The following RBPJ variants were observed in gnomAD, a reference collection of about 807,000 sequenced individuals.
RBPJ encodes the protein recombination signal binding protein for immunoglobulin kappa J region, also known as recombining binding protein suppressor of hairless.
In RBPJ, 9 loss-of-function variants were observed where a neutral mutation model predicts 67.8. The ratio of observed to expected loss-of-function variants is 0.13; its 90% confidence interval spans 0.08 to 0.23. The LOEUF (loss-of-function observed/expected upper bound fraction) is 0.23. Ranked by LOEUF, RBPJ falls within the 10% of genes least tolerant of loss-of-function variation. RBPJ has a pLI of 1.00. For missense variants in RBPJ, 305 were observed against 595.6 expected, an observed-to-expected ratio of 0.51 and a Z score of 5.08; for synonymous variants, 198 against 203.3, an observed-to-expected ratio of 0.97 and a Z score of 0.22.
intron 1 of RBPJ, among the ~76,000 whole-genome samples, chr4:26,288,841 C>T (rs963514517): frequency 1.3e-4 from 19 of 151,342 alleles, no homozygotes; most frequent in African/African-American, 3.9e-4. Context: ...GAAATGGAAG[C>T]GAGGTCACTT....
rs1032231968 is a variant in RBPJ at position 26,410,026 on chromosome 4, T to G, written c.155+3756T>G. On this transcript the variant is annotated intron_variant, in intron 3 of 10. Transcript: ENST00000355476. ...GGGGAAACCCATTAAATTTACTTGATTTTTTTAAAAAACAGGTGTTAGTAG... is the reference window on the plus strand; with the variant it reads ...GGGGAAACCCATTAAATTTACTTGAGTTTTTTAAAAAACAGGTGTTAGTAG... 95 of 452,938 alleles carry G rather than the reference T, an allele frequency of 2.1e-4. 1 individual carries two copies. The Admixed American group carries it at 2.3e-3, about 11-fold the overall frequency. The allele number at this position is 452,938 out of a possible 1,614,324, so 28.1% of individuals were successfully genotyped here. A position where few individuals can be genotyped will look rare whatever the true frequency, so the allele number is the denominator to read the frequency against.
upstream of RBPJ, among the ~76,000 whole-genome samples, chr4:26,315,167 A>ATAT (rs1553860769): frequency 1.6e-4 from 12 of 74,770 alleles, no homozygotes; most frequent in Non-Finnish European, 2.1e-4. Flanking sequence ...AAAAAAAAAA[A>ATAT]ATATATATAT....
intron 1 of RBPJ, among the ~76,000 whole-genome samples, chr4:26,283,593 A>C (rs1273359888): frequency 6.6e-6 from 1 of 152,102 alleles, no homozygotes; most frequent in Non-Finnish European, 1.5e-5. Flanking sequence ...TCTAAAGCAA[A>C]AGGGGCCTGA....
chr4:26,250,425 A>G (rs112751247), intron 1 of RBPJ, among the ~76,000 whole-genome samples: 39,597 of 144,810 alleles, frequency 0.27, 5,192 homozygotes, highest in African/African-American at 0.3. Flanking sequence ...TCCTTCTCCT[A>G]GATTCAAGTG....
chr4:26,424,516 G>A lies in RBPJ; in HGVS notation c.634+37G>A. 4 of 1,604,560 alleles carry A rather than the reference G, an allele frequency of 2.5e-6. No individual in the cohort carries two copies. The highest frequency in any genetic ancestry group is 1.1e-5 in the South Asian group (1 of 89,708). The stretch of plus-strand genomic sequence containing the variant: ...AGTGTGCATTTAATGTTTTTAGTGT[G>A]AAATTGTTAAAATCTTTTGATGAGA... On this transcript the variant is annotated intron_variant, in intron 6 of 10. Coordinates refer to ENST00000355476, the MANE Select transcript of RBPJ (RefSeq NM_015874.6). The surrounding 1 kb of genome is among the most constrained non-coding windows in gnomAD (Gnocchi z 5.3).
At chr4:26,256,581 A>G (rs1720350460) in intron 1 of RBPJ, among the ~76,000 whole-genome samples, 1 of 152,236 alleles carries the variant, frequency 6.6e-6, no homozygotes, top group South Asian at 2.1e-4. Context: ...TCAGATAGCA[A>G]TGTTACACTT....
upstream of RBPJ, among the ~76,000 whole-genome samples, chr4:26,316,001 G>T (rs1722596688): frequency 1.3e-5 from 2 of 151,854 alleles, no homozygotes; most frequent in Non-Finnish European, 2.9e-5. Flanking sequence ...TCTTTTTCAA[G>T]GTGCACTGAT....
intron 1 of RBPJ, among the ~76,000 whole-genome samples, chr4:26,352,589 C>T (rs1726924826): frequency 6.6e-6 from 1 of 152,188 alleles, no homozygotes; most frequent in African/African-American, 2.4e-5. Context: ...CACCTGAGGT[C>T]AGGAGCTTGA....
intron 1 of RBPJ, among the ~76,000 whole-genome samples, chr4:26,371,256 A>G (rs551827421): frequency 6.6e-6 from 1 of 152,280 alleles, no homozygotes; most frequent in East Asian, 1.9e-4. Flanking sequence ...AAATTCCATA[A>G]TAATCTTTTT....
At chr4:26,393,544 T>A (rs1169957996) in intron 2 of RBPJ, among the ~76,000 whole-genome samples, 1 of 152,034 alleles carries the variant, frequency 6.6e-6, no homozygotes, top group East Asian at 1.9e-4. Context: ...CTGGCTAATT[T>A]TTATATTTTT....
rs904600990 is a variant in RBPJ at position 26,430,311 on chromosome 4, T to A, written c.1045-108T>A. ...AGCTTTGTAATAAAAAACATTTTAA[T>A]TGCCCTTTTTTAAAAAAAACAAATG... On this transcript the variant is annotated intron_variant, in intron 9 of 10. Transcript: ENST00000355476. This position sits in a 1 kb window ranked among gnomAD's most constrained non-coding sequence, Gnocchi z 4.1. The A allele has an allele frequency of 4.1e-6, 4 of 966,924 alleles. No individual in the cohort carries two copies. The African/African-American group carries it at 5.0e-5, about 12-fold the overall frequency. 59.9% of individuals were successfully genotyped at this position (966,924 alleles called of 1,614,324 possible). A position where few individuals can be genotyped will look rare whatever the true frequency, so the allele number is the denominator to read the frequency against.
chr4:26,403,619 A>AGT (rs1733080534), intron 2 of RBPJ, among the ~76,000 whole-genome samples: 2 of 152,092 alleles, frequency 1.3e-5, no homozygotes, highest in South Asian at 4.1e-4. Flanking sequence ...CCCACTTGTA[A>AGT]GTGAGAACAT....
intron 1 of RBPJ, among the ~76,000 whole-genome samples, chr4:26,257,261 A>G (rs1008997225): frequency 6.6e-6 from 1 of 152,238 alleles, no homozygotes; most frequent in Non-Finnish European, 1.5e-5. Context: ...TATTATATCT[A>G]GCAAGTTATT....
chr4:26,227,698 G>A (rs1719125019), intron 1 of RBPJ, among the ~76,000 whole-genome samples: 1 of 152,190 alleles, frequency 6.6e-6, no homozygotes, highest in Non-Finnish European at 1.5e-5. Flanking sequence ...CTCCTTTGGA[G>A]AACTCCCTCT....
In RBPJ at chr4:26,237,705, C is replaced by T. The variant is rs140350457; in HGVS notation, c.-167+74091C>T. Among the ~76,000 whole-genome samples, 40 of 152,274 alleles carry T rather than the reference C, an allele frequency of 2.6e-4. No individual in the cohort carries two copies. The East Asian group carries it at 6.9e-3, about 26-fold the overall frequency. On this transcript the variant is annotated intron_variant, in intron 1 of 4. Coordinates refer to the RBPJ transcript ENST00000512351. ...AAAATCACTTCAATTTTTTGACCCT[C>T]GGTCTCCCTATCAGTACAATTTGGA...
chr4:26,223,628 G>A (rs1253569171), intron 1 of RBPJ, among the ~76,000 whole-genome samples: 1 of 152,234 alleles, frequency 6.6e-6, no homozygotes, highest in African/African-American at 2.4e-5. Flanking sequence ...GAAGATAGCT[G>A]GGCTGGCTGA....
At chr4:26,234,841 T>C (rs1157553603) in intron 1 of RBPJ, among the ~76,000 whole-genome samples, 2 of 151,998 alleles carry the variant, frequency 1.3e-5, no homozygotes, top group Admixed American at 1.3e-4. Flanking sequence ...TACAGGCACA[T>C]GCCACCACGC....
intron 1 of RBPJ, among the ~76,000 whole-genome samples, chr4:26,220,988 C>G (rs1318665847): frequency 6.6e-6 from 1 of 152,184 alleles, no homozygotes; most frequent in African/African-American, 2.4e-5. Flanking sequence ...TATGTTTGCC[C>G]TGATTCTTAT....
At chr4:26,184,712 A>G (rs1717165470) in intron 1 of RBPJ, among the ~76,000 whole-genome samples, 1 of 152,148 alleles carries the variant, frequency 6.6e-6, no homozygotes, top group Admixed American at 6.5e-5. Context: ...GGATGTGGGG[A>G]CTGGCTCAGA....
Sources: gnomAD v4.1 joint callset for allele counts (sites outside exome capture counted in the v4.1 genomes callset) on GRCh38, gnomAD v4.1.1 for gene constraint, Gnocchi (gnomAD v3.1) non-coding constraint, MANE v1.5 for transcripts, NCBI Gene and HGNC (gene_info 2026-07-23, HGNC 2026-07-21) for gene names.